TRMT9B: variants seen among roughly 807,000 people sequenced by gnomAD.
TRMT9B encodes the protein tRNA methyltransferase 9B (putative).
Under a neutral mutation model 11.5 loss-of-function variants are expected in TRMT9B, and 16 were observed. That is an observed-to-expected ratio of 1.39 (90% confidence interval 0.94 to 2.11). TRMT9B has a LOEUF of 2.11. Ranked by LOEUF, TRMT9B falls within the 30% of genes most tolerant of loss-of-function variation. The pLI, the probability that TRMT9B is intolerant of heterozygous loss-of-function variation, is 0.00. For missense variants in TRMT9B, 941 were observed against 553.8 expected (o/e 1.70, Z -7.02); for synonymous variants, 274 against 192.4 (o/e 1.42, Z -3.51).
At chr8:12,998,915 A>T (rs977916958) in intron 2 of TRMT9B, among the ~76,000 whole-genome samples, 1 of 152,228 alleles carries the variant, frequency 6.6e-6, no homozygotes, top group Non-Finnish European at 1.5e-5. Flanking sequence ...TCAAATACTC[A>T]GAGTTGCCTT....
chr8:13,012,769 C>G lies in TRMT9B; in HGVS notation c.240C>G (p.Ala80=). The G allele has an allele frequency of 1.9e-6, 3 of 1,613,876 alleles. No individual in the cohort carries two copies. Among genetic ancestry groups the G allele is most frequent in the Non-Finnish European group, 2.5e-6 (3 of 1,179,864 alleles). Residue 80 remains alanine, a synonymous_variant, in exon 4 of 5, where the codon GCC becomes GCG. Coordinates refer to ENST00000524591, the MANE Select transcript of TRMT9B (RefSeq NM_020844.3). ...CDYCGPLVEI[A]RNRGCEAMVC... is the part of the protein sequence containing the mutation. ...ACTGTGGGCCACTGGTAGAGATTGC[C>G]CGGAATAGAGGATGTGAAGCCATGG...
intron 1 of TRMT9B, among the ~76,000 whole-genome samples, chr8:12,952,514 A>G (rs1040135141): frequency 6.6e-6 from 1 of 152,338 alleles, no homozygotes; most frequent in Non-Finnish European, 1.5e-5. Flanking sequence ...CAGAATTCAG[A>G]GATAAAGGAC....
At chr8:12,963,337 G>T (rs893874358) in intron 1 of TRMT9B, among the ~76,000 whole-genome samples, 1 of 152,174 alleles carries the variant, frequency 6.6e-6, no homozygotes, top group Admixed American at 6.5e-5. Flanking sequence ...GGAGGCTGAG[G>T]CAGGAGAATT....
intron 2 of TRMT9B, among the ~76,000 whole-genome samples, chr8:13,005,916 C>T (rs1019252429): frequency 6.6e-6 from 1 of 152,152 alleles, no homozygotes; most frequent in African/African-American, 2.4e-5. Context: ...GCTATGCTTC[C>T]AAAATTAAGA....
At chr8:12,997,385 A>G (rs1321312052) in intron 2 of TRMT9B, among the ~76,000 whole-genome samples, 2 of 152,070 alleles carry the variant, frequency 1.3e-5, no homozygotes, top group Non-Finnish European at 2.9e-5. Flanking sequence ...ACCTTCCACC[A>G]TGAGTAACAG....
At chr8:13,008,409 G>A (rs1026659422) in intron 3 of TRMT9B, among the ~76,000 whole-genome samples, 1 of 152,240 alleles carries the variant, frequency 6.6e-6, no homozygotes, top group East Asian at 1.9e-4. Context: ...TTACGGTATG[G>A]GAGCTGAAAA....
At chr8:12,979,434 C>A (rs1804998898) in intron 1 of TRMT9B, among the ~76,000 whole-genome samples, 2 of 152,058 alleles carry the variant, frequency 1.3e-5, no homozygotes, top group Admixed American at 1.3e-4. Context: ...CAATATCATG[C>A]CACTGCACTC....
At chr8:12,946,607 G>T (rs1389635877) in intron 1 of TRMT9B, among the ~76,000 whole-genome samples, 1 of 152,136 alleles carries the variant, frequency 6.6e-6, no homozygotes, top group Non-Finnish European at 1.5e-5. Context: ...GGATCTGCAG[G>T]TTTATGAGAA....
intron 1 of TRMT9B, among the ~76,000 whole-genome samples, chr8:12,959,654 G>A (rs1801814432): frequency 6.7e-6 from 1 of 149,732 alleles, no homozygotes; most frequent in Admixed American, 6.8e-5. Flanking sequence ...CAAGTAGCCG[G>A]GGCTACAGGT....
chr8:12,981,147 G>T (rs867722215), intron 1 of TRMT9B, among the ~76,000 whole-genome samples: 1 of 152,176 alleles, frequency 6.6e-6, no homozygotes, highest in Non-Finnish European at 1.5e-5. Flanking sequence ...TAGAAAAGGA[G>T]CTTGTGCTGG....
At chr8:13,011,434 T>C (rs977887712) in intron 3 of TRMT9B, 2 of 985,336 alleles carry the variant, frequency 2.0e-6, no homozygotes, top group African/African-American at 1.7e-5. Flanking sequence ...AGCAAACTAA[T>C]CATCTTTGAA....
At chr8:12,990,190 C>T (rs1807087973) in intron 1 of TRMT9B, among the ~76,000 whole-genome samples, 1 of 152,146 alleles carries the variant, frequency 6.6e-6, no homozygotes, top group Non-Finnish European at 1.5e-5. Context: ...GATTATGGTC[C>T]ATTCACCCCA....
intron 3 of TRMT9B, among the ~76,000 whole-genome samples, chr8:13,008,302 C>G (rs1810886776): frequency 6.6e-6 from 1 of 152,146 alleles, no homozygotes; most frequent in African/African-American, 2.4e-5. Context: ...GGCATTTCAG[C>G]CCCAGGCTTA....
At chr8:12,980,666 A>G (rs1198863844) in intron 1 of TRMT9B, among the ~76,000 whole-genome samples, 1 of 152,210 alleles carries the variant, frequency 6.6e-6, no homozygotes, top group African/African-American at 2.4e-5. Context: ...AGGAGAGATA[A>G]AAGAGAGCAC....
At chr8:12,994,310 C>G (rs796908810) in intron 2 of TRMT9B, among the ~76,000 whole-genome samples, 5 of 152,300 alleles carry the variant, frequency 3.3e-5, no homozygotes, top group African/African-American at 1.2e-4. Context: ...CTGATGGACC[C>G]TCTGCTCTTT....
chr8:12,978,096 G>A (rs978511189), intron 1 of TRMT9B, among the ~76,000 whole-genome samples: 1 of 152,182 alleles, frequency 6.6e-6, no homozygotes, highest in Non-Finnish European at 1.5e-5. Flanking sequence ...AGGACCAGGG[G>A]AAAGCGAAGA....
chr8:12,952,254 T>C (rs774976012), intron 1 of TRMT9B: 13 of 432,234 alleles, frequency 3.0e-5, no homozygotes, highest in South Asian at 2.1e-4. Context: ...GAAGCTTCTG[T>C]TGCGCCCTAG....
rs1814781119 is a variant in TRMT9B, at chr8:13,027,134, T to C, written c.*5090T>C. The C allele has an allele frequency of 6.0e-6, 1 of 167,056 alleles. No individual in the cohort carries two copies. The highest frequency in any genetic ancestry group is 1.5e-5 in the Non-Finnish European group (1 of 68,108). 10.3% of individuals were successfully genotyped at this position (167,056 alleles called of 1,614,324 possible). A position where few individuals can be genotyped will look rare whatever the true frequency, so the allele number is the denominator to read the frequency against. On this transcript the variant is annotated 3_prime_UTR_variant, in exon 5 of 5. Coordinates refer to ENST00000524591, the MANE Select transcript of TRMT9B (RefSeq NM_020844.3). Reference sequence around the variant, plus strand: ...TCAGATATTTCATTCACTCCATTTGTTTACTAAGCCCTGCTGTGTGCTGGA... The same window carrying C: ...TCAGATATTTCATTCACTCCATTTGCTTACTAAGCCCTGCTGTGTGCTGGA...
At chr8:12,996,280 G>A (rs1485020090) in intron 2 of TRMT9B, among the ~76,000 whole-genome samples, 1 of 152,164 alleles carries the variant, frequency 6.6e-6, no homozygotes, top group East Asian at 1.9e-4. Flanking sequence ...TAGGTAAAAT[G>A]AATTTCCTTC....
Sources: gnomAD v4.1 joint callset for allele counts (sites outside exome capture counted in the v4.1 genomes callset) on GRCh38, gnomAD v4.1.1 for gene constraint, MANE v1.5 for transcripts, NCBI Gene and HGNC (gene_info 2026-07-23, HGNC 2026-07-21) for gene names.